ACP6: variants seen among roughly 807,000 people sequenced by gnomAD.
ACP6 encodes lysophosphatidic acid phosphatase type 6.
Under a neutral mutation model 48.1 loss-of-function variants are expected in ACP6, and 48 were observed. That is an observed-to-expected ratio of 1.00 (90% confidence interval 0.79 to 1.27). ACP6 has a LOEUF of 1.27. ACP6 is among the 50% of genes most tolerant of loss of function. The pLI, the probability that ACP6 is intolerant of heterozygous loss-of-function variation, is 0.00. For synonymous variants in ACP6, 172 were observed against 204.2 expected, an observed-to-expected ratio of 0.84 and a Z score of 1.34; for missense variants, 485 against 529.1, an observed-to-expected ratio of 0.92 and a Z score of 0.82.
chr1:147,648,444 G>A (rs1553209963), intron 8 of ACP6, 33 bp from the exon 9 acceptor site: 1 of 1,611,336 alleles, frequency 6.2e-7, no homozygotes, highest in Non-Finnish European at 8.5e-7. Flanking sequence ...ACAATTCTCT[G>A]CCTCAGGACT....
chr1:147,634,513 A>G (rs782127468), intron 5 of ACP6, among the ~76,000 whole-genome samples: 4 of 152,106 alleles, frequency 2.6e-5, no homozygotes, highest in Admixed American at 1.3e-4. Context: ...ATCATATCCA[A>G]GAAATCACTG....
intron 7 of ACP6, chr1:147,651,345 A>G (rs1375810930): frequency 3.9e-5 from 6 of 152,230 alleles, no homozygotes; most frequent in Non-Finnish European, 5.9e-5. Flanking sequence ...ACCATAGGCC[A>G]AATCTGACCA....
downstream of ACP6, among the ~76,000 whole-genome samples, chr1:147,640,610 G>A (rs1259233859): frequency 6.6e-6 from 1 of 152,158 alleles, no homozygotes; most frequent in Non-Finnish European, 1.5e-5. Context: ...TTATCAACAG[G>A]AAATTAATGG....
chr1:147,638,678 A>G (rs1169153237), downstream of ACP6, among the ~76,000 whole-genome samples: 1 of 152,138 alleles, frequency 6.6e-6, no homozygotes, highest in Non-Finnish European at 1.5e-5. Flanking sequence ...ACCAGTGGTG[A>G]ACATGCCTAG....
chr1:147,630,058 C>T (rs782820244), exon 6 of ACP6: 11 of 152,208 alleles, frequency 7.2e-5, no homozygotes, highest in African/African-American at 9.6e-5. Context: ...TCACCAAACA[C>T]GAAAGAAACC....
intron 6 of ACP6, among the ~76,000 whole-genome samples, chr1:147,653,549 T>C (rs1660074042): frequency 1.3e-5 from 2 of 152,326 alleles, no homozygotes; most frequent in Middle Eastern, 3.4e-3. Flanking sequence ...AAATACATGA[T>C]ATGAACTCTT....
chr1:147,648,519 A>G (rs897997502), intron 8 of ACP6, 108 bp from the exon 9 acceptor site: 9 of 1,301,998 alleles, frequency 6.9e-6, no homozygotes, highest in Non-Finnish European at 9.6e-6. Flanking sequence ...ACTAGGTGAC[A>G]TCTAGAAATC....
chr1:147,642,211 C>G (rs1193031695), downstream of ACP6: 1 of 152,160 alleles, frequency 6.6e-6, no homozygotes, highest in East Asian at 1.9e-4. Flanking sequence ...TAGAAGCCAC[C>G]TGGGTGCCAA....
intron 1 of ACP6, among the ~76,000 whole-genome samples, chr1:147,666,043 T>C (rs1216313138): frequency 6.6e-6 from 1 of 152,118 alleles, no homozygotes; most frequent in African/African-American, 2.4e-5. Context: ...CAAACAAATG[T>C]AGGGACAAAG....
chr1:147,651,665 A>G (rs1034852844), intron 7 of ACP6: 3 of 152,106 alleles, frequency 2.0e-5, no homozygotes, highest in Non-Finnish European at 4.4e-5. Context: ...AAGTGGACAC[A>G]CTGACCCTGA....
chr1:147,652,302 A>T, intron 7 of ACP6, 147 bp downstream of exon 7: 1 of 737,652 alleles, frequency 1.4e-6, no homozygotes, highest in Non-Finnish European at 2.2e-6. Flanking sequence ...CCTAGGGCCT[A>T]CTGGTAGGTG....
intron 4 of ACP6, among the ~76,000 whole-genome samples, chr1:147,657,556 G>T (rs1006343127): frequency 6.6e-6 from 1 of 152,082 alleles, no homozygotes; most frequent in Non-Finnish European, 1.5e-5. Flanking sequence ...GAATAGCTGG[G>T]ATTACAGGCG....
chr1:147,637,265 T>C (rs1659323636), downstream of ACP6, among the ~76,000 whole-genome samples: 1 of 152,190 alleles, frequency 6.6e-6, no homozygotes, highest in South Asian at 2.1e-4. Flanking sequence ...TGTGACCCTC[T>C]ACAATACTTT....
At chr1:147,661,389 C>T (rs1660537995) in intron 1 of ACP6, among the ~76,000 whole-genome samples, 1 of 151,622 alleles carries the variant, frequency 6.6e-6, no homozygotes, top group Non-Finnish European at 1.5e-5. Flanking sequence ...TTTGATGTTA[C>T]TATTTTAACT....
At chr1:147,650,116 A>C in intron 8 of ACP6, 27 bp downstream of exon 8, 2 of 1,594,150 alleles carry the variant, frequency 1.3e-6, no homozygotes, top group Non-Finnish European at 1.7e-6. Flanking sequence ...CCTTAGCTGC[A>C]CAAAGCAGAG....
At position 147,652,452 on chromosome 1, in the gene ACP6, T is replaced by C. The variant is rs782793879; in HGVS notation, c.878A>G (p.Asp293Gly). 26 of 1,611,020 alleles carry C rather than the reference T, an allele frequency of 1.6e-5. No homozygotes were observed. The highest frequency in any genetic ancestry group is 2.2e-5 in the Non-Finnish European group (26 of 1,178,570). Residue 293 changes from aspartate (D) to glycine (G), a missense_variant, in exon 7 of 10, where the codon GAC becomes GGC. By Grantham distance (94) the Asp-to-Gly change is moderately conservative. Transcript: ENST00000583509. ...DTSLYILPKE[D>G]RESLQMAVGP... ...GCCAGCAGTGAGAGCCCCTCACCTGTCTTCCTTGGGCAGTATGTACAAGGA... is the reference window on the plus strand; with the variant it reads ...GCCAGCAGTGAGAGCCCCTCACCTGCCTTCCTTGGGCAGTATGTACAAGGA...
chr1:147,648,781 T>C (rs1374975885), intron 8 of ACP6, among the ~76,000 whole-genome samples: 2 of 152,182 alleles, frequency 1.3e-5, no homozygotes, highest in Non-Finnish European at 2.9e-5. Context: ...TGGGATGAGT[T>C]TAGTAGGGCT....
chr1:147,650,223 C>T lies in ACP6; in HGVS notation c.897G>A (p.Met299Ile). The T allele has an allele frequency of 1.3e-6, 2 of 1,599,668 alleles. No individual in the cohort carries two copies. Among genetic ancestry groups the T allele is most frequent in the Non-Finnish European group, 1.7e-6 (2 of 1,174,648 alleles). Reference protein sequence around the residue: ...LPKEDRESLQMAVGPFLHILE... With the variant: ...LPKEDRESLQIAVGPFLHILE... ...GGATGTGGAGGAATGGGCCTACTGC[C>T]ATCTGAAGACTTTCCCTGTGAAAAG... The change falls in exon 8 of 10, where the codon ATG (methionine) becomes ATA (isoleucine). Residue 299 changes from methionine to isoleucine, a missense_variant. By Grantham distance (10) the Met-to-Ile change is conservative. Coordinates refer to ENST00000583509, the MANE Select transcript of ACP6 (RefSeq NM_016361.5).
At chr1:147,659,280 A>C in intron 3 of ACP6, 116 bp downstream of exon 3, 6 of 1,414,122 alleles carry the variant, frequency 4.2e-6, no homozygotes, top group Non-Finnish European at 5.8e-6. Flanking sequence ...GCAGCATGAC[A>C]AGTTGTCCCC....
Sources: allele counts gnomAD v4.1 joint callset (sites outside exome capture counted in the v4.1 genomes callset), GRCh38; gene constraint gnomAD v4.1.1; transcripts MANE v1.5; gene names NCBI Gene and HGNC (gene_info 2026-07-23, HGNC 2026-07-21).